Variants in SPAG16 observed in about 807,000 individuals in gnomAD.
SPAG16 encodes the protein sperm associated antigen 16.
Under a neutral mutation model 80.4 loss-of-function variants are expected in SPAG16, and 86 were observed. The ratio of observed to expected loss-of-function variants is 1.07; its 90% CI spans 0.90 to 1.28. The LOEUF is 1.28. SPAG16 is among the 50% of genes most tolerant of loss of function. SPAG16 has a pLI of 0.00. For missense variants in SPAG16, 870 were observed against 765.3 expected (o/e 1.14, Z -1.61); for synonymous variants, 294 against 265.9 (o/e 1.11, Z -1.03).
chr2:214,175,292 T>C (rs2057037009), intron 15 of SPAG16, among the ~76,000 whole-genome samples: 1 of 69,336 alleles, frequency 1.4e-5, no homozygotes, highest in African/African-American at 3.3e-5. Context: ...AATGTGTATA[T>C]ATATAAAGAA....
intron 13 of SPAG16, among the ~76,000 whole-genome samples, chr2:214,019,673 G>C (rs1368982362): frequency 3.3e-5 from 5 of 152,142 alleles, no homozygotes; most frequent in Admixed American, 6.6e-5. Context: ...AGGCCTGTTG[G>C]TTTTCATAGA....
At chr2:213,780,750 CTA>C (rs1344592560) in intron 10 of SPAG16, among the ~76,000 whole-genome samples, 1 of 152,016 alleles carries the variant, frequency 6.6e-6, no homozygotes, top group Non-Finnish European at 1.5e-5. Flanking sequence ...TTTGAGAACT[CTA>C]TTTTGTTTCC....
At chr2:214,259,032 G>A (rs1690925854) in intron 15 of SPAG16, among the ~76,000 whole-genome samples, 1 of 151,880 alleles carries the variant, frequency 6.6e-6, no homozygotes, top group South Asian at 2.1e-4. Context: ...TCATCTTAGT[G>A]TTGTGGAGTA....
At chr2:214,287,839 A>T (rs1693473371) in intron 15 of SPAG16, among the ~76,000 whole-genome samples, 1 of 152,218 alleles carries the variant, frequency 6.6e-6, no homozygotes, top group South Asian at 2.1e-4. Flanking sequence ...AGTATTTGTT[A>T]CATATGTAGA....
intron 10 of SPAG16, among the ~76,000 whole-genome samples, chr2:213,603,969 G>T (rs1273035172): frequency 6.6e-6 from 1 of 151,366 alleles, no homozygotes; most frequent in African/African-American, 2.4e-5. Flanking sequence ...AGTTGGCCAG[G>T]CTGAAGAGCA....
chr2:213,798,650 G>A (rs948414051), intron 10 of SPAG16, among the ~76,000 whole-genome samples: 7 of 152,222 alleles, frequency 4.6e-5, no homozygotes, highest in Non-Finnish European at 7.4e-5. Context: ...AATCTAATGA[G>A]TCAGGGAGTG....
intron 15 of SPAG16, among the ~76,000 whole-genome samples, chr2:214,369,626 T>C (rs894081754): frequency 1.3e-5 from 2 of 152,028 alleles, no homozygotes; most frequent in Non-Finnish European, 2.9e-5. Flanking sequence ...CCACACCTGG[T>C]TCCTGATTCT....
chr2:213,435,454 T>G (rs1374772846), intron 9 of SPAG16, among the ~76,000 whole-genome samples: 2 of 152,182 alleles, frequency 1.3e-5, no homozygotes, highest in African/African-American at 4.8e-5. Flanking sequence ...ATTCAATTAC[T>G]GGTTACGCTG....
intron 10 of SPAG16, among the ~76,000 whole-genome samples, chr2:213,492,933 G>A (rs1286014125): frequency 6.6e-6 from 1 of 152,014 alleles, no homozygotes; most frequent in Non-Finnish European, 1.5e-5. Context: ...ATTTCTATAA[G>A]GCAGTTATTA....
intron 15 of SPAG16, among the ~76,000 whole-genome samples, chr2:214,233,976 A>G (rs1359929216): frequency 2.0e-5 from 3 of 151,992 alleles, no homozygotes; most frequent in African/African-American, 7.2e-5. Context: ...AGATCATCCC[A>G]TCACCTAGAT....
intron 11 of SPAG16, among the ~76,000 whole-genome samples, chr2:213,897,230 G>A (rs1481257987): frequency 1.3e-5 from 2 of 152,094 alleles, no homozygotes; most frequent in African/African-American, 4.8e-5. Flanking sequence ...ATACCATCAT[G>A]TATAATTTGA....
intron 13 of SPAG16, among the ~76,000 whole-genome samples, chr2:214,067,897 C>T (rs1440601034): frequency 6.6e-6 from 1 of 152,102 alleles, no homozygotes; most frequent in East Asian, 1.9e-4. Context: ...ATAAAACATT[C>T]TTCAGTGATT....
intron 10 of SPAG16, among the ~76,000 whole-genome samples, chr2:213,619,372 A>G (rs138888161): frequency 6.6e-6 from 1 of 152,328 alleles, no homozygotes; most frequent in East Asian, 1.9e-4. Context: ...AGGTGAATAG[A>G]CAGCCTGTAG....
intron 15 of SPAG16, among the ~76,000 whole-genome samples, chr2:214,374,223 A>G (rs1699990134): frequency 6.6e-6 from 1 of 152,364 alleles, no homozygotes; most frequent in South Asian, 2.1e-4. Context: ...TTCCAAAAGT[A>G]TCTGCTTGGC....
At chr2:213,336,597 A>G (rs1179252136) in intron 5 of SPAG16, among the ~76,000 whole-genome samples, 1 of 152,168 alleles carries the variant, frequency 6.6e-6, no homozygotes, top group Non-Finnish European at 1.5e-5. Context: ...AATTCCCCAC[A>G]GCGCAGCACA....
intron 15 of SPAG16, among the ~76,000 whole-genome samples, chr2:214,284,189 G>GA (rs1268126685): frequency 2.6e-5 from 4 of 152,208 alleles, no homozygotes; most frequent in Non-Finnish European, 5.9e-5. Context: ...TGCGTTATGA[G>GA]AAAAAACACA....
intron 6 of SPAG16, 61 bp downstream of exon 6, chr2:213,340,331 G>T: frequency 8.5e-7 from 1 of 1,172,440 alleles, no homozygotes; most frequent in South Asian, 1.4e-5. Flanking sequence ...TAAGTAATTT[G>T]ATTATGACAA....
At chr2:213,678,367 A>G (rs1368354074) in intron 10 of SPAG16, among the ~76,000 whole-genome samples, 1 of 152,172 alleles carries the variant, frequency 6.6e-6, no homozygotes, top group Non-Finnish European at 1.5e-5. Flanking sequence ...TAGATAGACC[A>G]CTAGCAAGAC....
intron 9 of SPAG16, among the ~76,000 whole-genome samples, chr2:213,409,016 A>G (rs1339195776): frequency 6.6e-6 from 1 of 152,122 alleles, no homozygotes; most frequent in Non-Finnish European, 1.5e-5. Context: ...GCTTTGAAAA[A>G]GAATGGTTAT....
Sources: gnomAD v4.1 joint callset for allele counts (sites outside exome capture counted in the v4.1 genomes callset) on GRCh38, gnomAD v4.1.1 for gene constraint, MANE v1.5 for transcripts, NCBI Gene and HGNC (gene_info 2026-07-23, HGNC 2026-07-21) for gene names.